Variants in BCL2L12 observed in about 807,000 individuals in gnomAD.
The protein encoded by BCL2L12 is BCL2 like 12.
A neutral mutation model predicts 25.7 loss-of-function variants in BCL2L12; 27 were observed. The observed-to-expected ratio is 1.05, with a 90% CI of 0.78 to 1.45. BCL2L12 has a LOEUF of 1.45. BCL2L12 is among the 40% of genes most tolerant of loss of function. The probability of loss-of-function intolerance (pLI) is 0.00; values close to 1 mark genes in which losing one functional copy is unlikely to be tolerated. For missense variants in BCL2L12, 302 were observed against 329.8 expected (o/e 0.92, Z 0.65); for synonymous variants, 132 against 145.6 (o/e 0.91, Z 0.67).
chr19:49,665,475 G>T, upstream of BCL2L12: 1 of 220,310 alleles, frequency 4.5e-6, no homozygotes, highest in South Asian at 9.2e-5. Context: ...TAGTTTTTCT[G>T]CAGCCGACCT....
At chr19:49,669,561 T>C (rs1166990218) in intron 5 of BCL2L12, among the ~76,000 whole-genome samples, 2 of 149,338 alleles carry the variant, frequency 1.3e-5, no homozygotes, top group African/African-American at 2.5e-5. Context: ...AAAAGAATAG[T>C]TGAATGACAG....
chr19:49,666,082 G>A lies in BCL2L12; in HGVS notation c.-9+15G>A. 6.5e-7 allele frequency: 1 copy of A among 1,539,250 alleles called. No homozygotes were observed. Among genetic ancestry groups the A allele is most frequent in the Non-Finnish European group, 8.8e-7 (1 of 1,137,828 alleles). ...CCCCGGACCAGGTCAGCGGGGTGTT[G>A]ACGAGGGGTGGGGTGAGGAGGGAAG... On this transcript the variant is annotated intron_variant, in intron 1 of 6. Coordinates refer to ENST00000246784, the MANE Select transcript of BCL2L12 (RefSeq NM_138639.2).
chr19:49,666,043 A>G lies in BCL2L12; in HGVS notation c.-33A>G. The G allele has an allele frequency of 6.4e-7, 1 of 1,551,496 alleles. No individual in the cohort carries two copies. The highest frequency in any genetic ancestry group is 8.7e-7 in the Non-Finnish European group (1 of 1,145,068). ...GAGGAGACCGCAAGTTGAGTGGAGGAGGCGGCGGTGGGGCCCCGGACCAGG... is the reference window on the plus strand; with the variant it reads ...GAGGAGACCGCAAGTTGAGTGGAGGGGGCGGCGGTGGGGCCCCGGACCAGG... On this transcript the variant is annotated 5_prime_UTR_variant, in exon 1 of 7. Coordinates refer to ENST00000246784, the MANE Select transcript of BCL2L12 (RefSeq NM_138639.2).
chr19:49,667,964 G>A (rs2081857299), intron 3 of BCL2L12, among the ~76,000 whole-genome samples: 1 of 152,042 alleles, frequency 6.6e-6, no homozygotes, highest in Non-Finnish European at 1.5e-5. Flanking sequence ...ACTTTTAGTA[G>A]ACACGGGGTT....
chr19:49,668,426 G>C (rs2081874452), intron 3 of BCL2L12, among the ~76,000 whole-genome samples: 1 of 152,094 alleles, frequency 6.6e-6, no homozygotes, highest in Non-Finnish European at 1.5e-5. Flanking sequence ...AGTCCAGTCT[G>C]AGGATCTCAT....
At chr19:49,665,590 C>T, upstream of BCL2L12, 1 of 541,684 alleles carries the variant, frequency 1.8e-6, no homozygotes, top group Non-Finnish European at 3.3e-6. Flanking sequence ...GCTCCTCGCT[C>T]TCGGACGCCA....
chr19:49,667,202 C>T (rs2081820558), intron 3 of BCL2L12, 41 bp downstream of exon 3: 4 of 1,600,374 alleles, frequency 2.5e-6, no homozygotes, highest in Non-Finnish European at 3.4e-6. Flanking sequence ...CGGCAGAACA[C>T]GGGATAAGGT....
At chr19:49,670,074 T>A (rs989966773) in intron 5 of BCL2L12, 142 bp from the exon 6 acceptor site, 5 of 1,173,350 alleles carry the variant, frequency 4.3e-6, no homozygotes, top group Non-Finnish European at 4.6e-6. Flanking sequence ...GGAGTCTGGC[T>A]TGATTGGCTA....
intron 3 of BCL2L12, 97 bp downstream of exon 3, chr19:49,667,258 T>C: frequency 6.6e-7 from 1 of 1,512,724 alleles, no homozygotes; most frequent in Non-Finnish European, 9.0e-7. Context: ...GTGGAGTCTC[T>C]AGCACCAGCC....
Position 49,666,789 on chromosome 19 carries a change from A to C in BCL2L12, c.97A>C (p.Thr33Pro), listed in dbSNP as rs1240159330. 18 of 1,557,710 alleles carry C rather than the reference A, an allele frequency of 1.2e-5. No individual in the cohort carries two copies. Among genetic ancestry groups the C allele is most frequent in the Non-Finnish European group, 1.6e-5 (18 of 1,150,250 alleles). ...TGAGGCTGCCGGGTCTCCTGTTCCA[A>C]CTCCACCTAGGTAAGAGGAGTGGCC... The part of the protein sequence containing the change: ...RGEAAGSPVP[T>P]PPRSPAQEEP... The change falls in exon 2 of 7, where the codon ACT (threonine) becomes CCT (proline). Residue 33 changes from threonine (T) to proline (P), a missense_variant. Transcript: ENST00000246784.
At chr19:49,669,190 A>T in intron 5 of BCL2L12, 75 bp downstream of exon 5, 1 of 1,569,274 alleles carries the variant, frequency 6.4e-7, no homozygotes, top group Admixed American at 1.9e-5. Flanking sequence ...CAGAAGCTGG[A>T]TCTGTATTTT....
At position 49,669,124 on chromosome 19, in the gene BCL2L12, C is replaced by T. The variant is rs1379200795; in HGVS notation, c.429+9C>T. 6.2e-7 allele frequency: 1 copy of T among 1,613,308 alleles called. No homozygotes were observed. Among genetic ancestry groups the T allele is most frequent in the Non-Finnish European group, 8.5e-7 (1 of 1,179,714 alleles). On this transcript the variant is annotated intron_variant, in intron 5 of 6. Transcript: ENST00000246784. ...AAGTCATTAACCAGAAGGTGATGGG[C>T]ATCTGTCCCACTCCTTGGCAAGGAC...
chr19:49,667,313 T>C, intron 3 of BCL2L12, 152 bp downstream of exon 3: 1 of 1,157,262 alleles, frequency 8.6e-7, no homozygotes, highest in Non-Finnish European at 1.2e-6. Flanking sequence ...CAGTTAGATT[T>C]CTGTCAATTC....
intron 3 of BCL2L12, among the ~76,000 whole-genome samples, chr19:49,668,544 C>T (rs1232940351): frequency 1.3e-5 from 2 of 152,062 alleles, no homozygotes; most frequent in African/African-American, 4.8e-5. Context: ...TTGCTCACGC[C>T]TGTAATCCTA....
At chr19:49,668,292 TTTC>T (rs1185344132) in intron 3 of BCL2L12, among the ~76,000 whole-genome samples, 1 of 149,980 alleles carries the variant, frequency 6.7e-6, no homozygotes, top group Non-Finnish European at 1.5e-5. Flanking sequence ...AGAGATGGGG[TTTC>T]TCCATGTTGG....
At position 49,673,790 on chromosome 19, in the gene BCL2L12, C is replaced by T; in HGVS notation, c.*42C>T. On this transcript the variant is annotated 3_prime_UTR_variant, in exon 7 of 7. Coordinates refer to ENST00000246784, the MANE Select transcript of BCL2L12 (RefSeq NM_138639.2). ...TGCTACAAGATGACACCTCATGTCC[C>T]TGCCCTCTTCGTGTGCTTTTCCAAG... 2 of 1,609,154 alleles carry T rather than the reference C, an allele frequency of 1.2e-6. No homozygotes were observed. Among genetic ancestry groups the T allele is most frequent in the Non-Finnish European group, 1.7e-6 (2 of 1,175,598 alleles).
chr19:49,670,920 G>C (rs2081949004), intron 6 of BCL2L12, among the ~76,000 whole-genome samples: 1 of 152,082 alleles, frequency 6.6e-6, no homozygotes, highest in African/African-American at 2.4e-5. Flanking sequence ...AGCACTTTGG[G>C]AGGCCGAGGC....
At chr19:49,666,163 A>G (rs1297123964) in intron 1 of BCL2L12, 96 bp downstream of exon 1, 3 of 1,403,188 alleles carry the variant, frequency 2.1e-6, no homozygotes, top group Non-Finnish European at 2.9e-6. Flanking sequence ...CTGATATCCA[A>G]GGGTCCAGGG....
chr19:49,673,904 AC>A lies in BCL2L12; in HGVS notation c.*157del, dbSNP rs2122895964. ...TTGTTTAAAACTTTTCTTATTAAAA[AC>A]GTTACAAAGTATTCAATTGTCTGTT... On this transcript the variant is annotated 3_prime_UTR_variant, in exon 7 of 7. Coordinates refer to ENST00000246784, the MANE Select transcript of BCL2L12 (RefSeq NM_138639.2). 6 of 773,920 alleles carry A rather than the reference AC, an allele frequency of 7.8e-6. No individual in the cohort carries two copies. The East Asian group carries it at 1.7e-4, about 21-fold the overall frequency. The allele number at this position is 773,920 out of a possible 1,614,324, so 47.9% of individuals were successfully genotyped here.
Sources: gnomAD v4.1 joint callset for allele counts (sites outside exome capture counted in the v4.1 genomes callset) on GRCh38, gnomAD v4.1.1 for gene constraint, MANE v1.5 for transcripts, NCBI Gene and HGNC (gene_info 2026-07-23, HGNC 2026-07-21) for gene names.